Variants in SBSPON observed in about 807,000 individuals in gnomAD.
The protein encoded by SBSPON is somatomedin B and thrombospondin type 1 domain containing, also known as somatomedin-B and thrombospondin type-1 domain-containing protein.
SBSPON carries 30 observed loss-of-function variants against 35.8 expected under a neutral mutation model. The observed-to-expected ratio is 0.84, with a 90% CI of 0.63 to 1.14. The LOEUF (loss-of-function observed/expected upper bound fraction) is 1.14. Ranked by LOEUF, SBSPON falls within the 50% of genes most tolerant of loss-of-function variation. The pLI, the probability that SBSPON is intolerant of heterozygous loss-of-function variation, is 0.00. For missense variants in SBSPON, 364 were observed against 357.7 expected, an observed-to-expected ratio of 1.02 and a Z score of -0.14; for synonymous variants, 136 against 135.9, an observed-to-expected ratio of 1.00 and a Z score of 0.00.
Position 73,069,970 on chromosome 8 carries a change from T to A in SBSPON, c.512A>T (p.Glu171Val). 1 of 1,583,768 alleles carries A rather than the reference T, an allele frequency of 6.3e-7. No homozygotes were observed. Among genetic ancestry groups the A allele is most frequent in the Non-Finnish European group, 8.6e-7 (1 of 1,163,490 alleles). The change falls in exon 4 of 5, where the codon GAG (glutamate) becomes GTG (valine). Residue 171 changes from glutamate (E) to valine (V), a missense_variant. Physicochemically the swap from Glu to Val is moderately radical, Grantham distance 121. Transcript: ENST00000297354. ...AGGAGTCAAGGACTCTGTCTTAAAC[T>A]CCATACAGTATCTACAGCAAAAGAA... ...THTEDAGYCMEFKTESLTPHC... is the reference protein window; with the variant it reads ...THTEDAGYCMVFKTESLTPHC...
At chr8:73,079,973 G>A (rs1447662922) in intron 2 of SBSPON, among the ~76,000 whole-genome samples, 2 of 152,124 alleles carry the variant, frequency 1.3e-5, no homozygotes, top group Admixed American at 6.5e-5. Flanking sequence ...AAATTTCCAC[G>A]TTCCTATGAG....
At position 73,093,106 on chromosome 8, in the gene SBSPON, C is replaced by T. The variant is rs957179547; in HGVS notation, c.-39G>A. 29 of 1,171,924 alleles carry T rather than the reference C, an allele frequency of 2.5e-5. No homozygotes were observed. Among genetic ancestry groups the T allele is most frequent in the Non-Finnish European group, 1.4e-5 (13 of 917,718 alleles). The allele number at this position is 1,171,924 out of a possible 1,614,324, so 72.6% of individuals were successfully genotyped here. On this transcript the variant is annotated 5_prime_UTR_variant, in exon 1 of 5. Transcript: ENST00000297354. ...GCGGCGCCTGCGACGCGACAGACCC[C>T]CGGGGCAAGCGCTCTGATCCTCGGC...
intron 1 of SBSPON, among the ~76,000 whole-genome samples, chr8:73,087,951 G>A (rs1810865949): frequency 6.6e-6 from 1 of 152,140 alleles, no homozygotes; most frequent in African/African-American, 2.4e-5. Context: ...GGGAAACTTG[G>A]ATCTGTTCCC....
At chr8:73,074,846 C>T (rs1327522434) in intron 2 of SBSPON, among the ~76,000 whole-genome samples, 2 of 152,180 alleles carry the variant, frequency 1.3e-5, no homozygotes, top group Non-Finnish European at 2.9e-5. Context: ...ATGTGTATAG[C>T]CTGCTCATTT....
chr8:73,092,790 C>G, intron 1 of SBSPON, 64 bp downstream of exon 1: 4 of 1,322,594 alleles, frequency 3.0e-6, no homozygotes, highest in Non-Finnish European at 4.3e-6. Context: ...GGCACAGCGC[C>G]CTGCCCTGTG....
rs567090598 is a variant in SBSPON, at chr8:73,075,375, C to G, written c.410-3505G>C. Among the ~76,000 whole-genome samples, 62 of 152,322 alleles carry G rather than the reference C, an allele frequency of 4.1e-4. 3 individuals carry two copies. The South Asian group carries it at 0.012, about 30-fold the overall frequency. On this transcript the variant is annotated intron_variant, in intron 2 of 4. Coordinates refer to ENST00000297354, the MANE Select transcript of SBSPON (RefSeq NM_153225.4). ...GCATCACTTTTTAATACACCCCCCC[C>G]AAATTCACTTTTCATTACTTAAGTA...
intron 1 of SBSPON, among the ~76,000 whole-genome samples, chr8:73,089,325 A>G (rs1342601608): frequency 1.3e-5 from 2 of 152,192 alleles, no homozygotes; most frequent in African/African-American, 4.8e-5. Context: ...AGGCCAAGGC[A>G]GGTGGATCAC....
intron 2 of SBSPON, among the ~76,000 whole-genome samples, chr8:73,077,779 A>C (rs1019099188): frequency 6.6e-6 from 1 of 152,192 alleles, no homozygotes; most frequent in African/African-American, 2.4e-5. Context: ...ATCATTCCAC[A>C]GCACATGAAT....
At position 73,071,721 on chromosome 8, in the gene SBSPON, A is replaced by G; in HGVS notation, c.500+59T>C. 1.9e-6 allele frequency: 2 copies of G among 1,031,766 alleles called. 1 individual carries two copies. Among genetic ancestry groups the G allele is most frequent in the Middle Eastern group, 4.3e-4 (2 of 4,704 alleles). The allele number at this position is 1,031,766 out of a possible 1,614,324, so 63.9% of individuals were successfully genotyped here. A position where few individuals can be genotyped will look rare whatever the true frequency, so the allele number is the denominator to read the frequency against. ...ACATAAACCAAGTTGACCCTCTTGC[A>G]TTGACTTGACTATACAATTGAAAAA... On this transcript the variant is annotated intron_variant, in intron 3 of 4. Coordinates refer to ENST00000297354, the MANE Select transcript of SBSPON (RefSeq NM_153225.4).
intron 1 of SBSPON, among the ~76,000 whole-genome samples, chr8:73,087,296 T>C (rs1810850011): frequency 6.6e-6 from 1 of 152,218 alleles, no homozygotes; most frequent in Non-Finnish European, 1.5e-5. Context: ...CCAACCTGTC[T>C]GTGCCTTGCT....
intron 1 of SBSPON, among the ~76,000 whole-genome samples, chr8:73,092,429 A>T (rs796501754): frequency 5.3e-5 from 8 of 152,294 alleles, no homozygotes; most frequent in African/African-American, 1.7e-4. Context: ...ACCCCTCACC[A>T]GCCCCAAAGA....
intron 3 of SBSPON, among the ~76,000 whole-genome samples, chr8:73,070,900 A>G (rs1313230951): frequency 6.6e-6 from 1 of 152,244 alleles, no homozygotes; most frequent in Non-Finnish European, 1.5e-5. Flanking sequence ...ATCTTTAAGA[A>G]TGATAGGTAC....
intron 2 of SBSPON, among the ~76,000 whole-genome samples, chr8:73,072,793 G>A (rs1334474189): frequency 6.6e-6 from 1 of 152,104 alleles, no homozygotes; most frequent in Non-Finnish European, 1.5e-5. Flanking sequence ...TGGCTGCCCA[G>A]TGCCAGCCTG....
At position 73,065,572 on chromosome 8, in the gene SBSPON, G is replaced by A. The variant is rs1376969132; in HGVS notation, c.*1769C>T. Reference sequence around the variant, plus strand: ...GGGTGGATCACGAGGTCAGGAGATCGAGACCACCCTGGCTAACACAGTGAA... The same window carrying A: ...GGGTGGATCACGAGGTCAGGAGATCAAGACCACCCTGGCTAACACAGTGAA... On this transcript the variant is annotated 3_prime_UTR_variant, in exon 5 of 5. Coordinates refer to ENST00000297354, the MANE Select transcript of SBSPON (RefSeq NM_153225.4). 1 of 151,722 alleles carries A rather than the reference G, an allele frequency of 6.6e-6. No individual in the cohort carries two copies. The highest frequency in any genetic ancestry group is 6.6e-5 in the Admixed American group (1 of 15,224). The allele number at this position is 151,722 out of a possible 1,614,324, so 9.4% of individuals were successfully genotyped here.
intron 1 of SBSPON, among the ~76,000 whole-genome samples, chr8:73,092,125 G>A (rs1306722347): frequency 2.0e-5 from 3 of 152,202 alleles, no homozygotes; most frequent in African/African-American, 7.2e-5. Context: ...AAGGAACTGT[G>A]AGATACTGTG....
intron 1 of SBSPON, among the ~76,000 whole-genome samples, chr8:73,082,932 A>G (rs1810744152): frequency 1.3e-5 from 2 of 152,228 alleles, no homozygotes. Flanking sequence ...AAAAGAATGC[A>G]CTTGTTTCAA....
intron 2 of SBSPON, among the ~76,000 whole-genome samples, chr8:73,074,360 A>G (rs1810551955): frequency 6.6e-6 from 1 of 152,218 alleles, no homozygotes; most frequent in Admixed American, 6.5e-5. Flanking sequence ...AATAATAAAA[A>G]TACGCACTTC....
chr8:73,092,752 G>T, intron 1 of SBSPON, 102 bp downstream of exon 1: 2 of 857,932 alleles, frequency 2.3e-6, no homozygotes, highest in Non-Finnish European at 1.9e-6. Context: ...GGGTCTGGAG[G>T]ACACCTGGCT....
chr8:73,069,623 C>T (rs144438752), intron 4 of SBSPON, among the ~76,000 whole-genome samples, 182 bp downstream of exon 4: 383 of 152,250 alleles, frequency 2.5e-3, no homozygotes, highest in African/African-American at 8.8e-3. Context: ...CCTGTGGGTT[C>T]CATAGTGGGA....
Sources: allele counts gnomAD v4.1 joint callset (sites outside exome capture counted in the v4.1 genomes callset), GRCh38; gene constraint gnomAD v4.1.1; transcripts MANE v1.5; gene names NCBI Gene and HGNC (gene_info 2026-07-23, HGNC 2026-07-21).